The following TLR4 variants were observed in gnomAD, a reference collection of about 807,000 sequenced individuals.
TLR4 encodes the protein toll like receptor 4.
Under a neutral mutation model 27.4 loss-of-function variants are expected in TLR4, and 17 were observed. The observed-to-expected ratio is 0.62, with a 90% CI of 0.42 to 0.93. The LOEUF (loss-of-function observed/expected upper bound fraction) is 0.93. Among genes scored for constraint, TLR4 ranks in the 40% least tolerant of loss-of-function variants. The pLI is 0.00. For missense variants in TLR4, 926 were observed against 962.3 expected (o/e 0.96, Z 0.50); for synonymous variants, 363 against 365.7 (o/e 0.99, Z 0.08).
In TLR4 at chr9:117,714,720, T is replaced by C. The variant is rs55825275; in HGVS notation, c.*72T>C. On this transcript the variant is annotated 3_prime_UTR_variant, in exon 3 of 3. Coordinates refer to ENST00000355622, the MANE Select transcript of TLR4 (RefSeq NM_138554.5). ...CCAACACTTGTTCAGTTAATAAGTA[T>C]TAAATGCTGCCACATGTCAGGCCTT... is the stretch of plus-strand genomic sequence containing the variant. 42 of 1,325,610 alleles carry C rather than the reference T, an allele frequency of 3.2e-5. No homozygotes were observed. In the South Asian group the frequency reaches 5.0e-4, roughly 16 times the overall value. 82.1% of individuals were successfully genotyped at this position (1,325,610 alleles called of 1,614,324 possible). A position where few individuals can be genotyped will look rare whatever the true frequency, so the allele number is the denominator to read the frequency against.
In TLR4 at chr9:117,704,613, A is replaced by C. The variant is rs760656551; in HGVS notation, c.93+48A>C. On this transcript the variant is annotated intron_variant, in intron 1 of 2. Coordinates refer to ENST00000355622, the MANE Select transcript of TLR4 (RefSeq NM_138554.5). ...TCTGAACTTTCCCTCACTTCTGCCC[A>C]GAACTTCTCACTGTGTGCCCTGGTT... The C allele has an allele frequency of 1.3e-6, 2 of 1,518,774 alleles. 1 individual carries two copies. Among genetic ancestry groups the C allele is most frequent in the South Asian group, 2.2e-5 (2 of 89,002 alleles). The allele number at this position is 1,518,774 out of a possible 1,614,324, so 94.1% of individuals were successfully genotyped here.
At position 117,712,537 on chromosome 9, in the gene TLR4, A is replaced by G. The variant is rs774024297; in HGVS notation, c.409A>G (p.Asn137Asp). ...ACAGAAGCTGGTGGCTGTGGAGACA[A>G]ATCTAGCATCTCTAGAGAACTTCCC... The part of the protein sequence containing the change: ...SLQKLVAVET[N>D]LASLENFPIG... The change falls in exon 3 of 3, where the codon AAT (asparagine) becomes GAT (aspartate). Residue 137 changes from asparagine to aspartate, a missense_variant. Asn to Asp is a conservative substitution (Grantham distance 23). Coordinates refer to ENST00000355622, the MANE Select transcript of TLR4 (RefSeq NM_138554.5). 2.5e-6 allele frequency: 4 copies of G among 1,613,972 alleles called. No individual in the cohort carries two copies. Among genetic ancestry groups the G allele is most frequent in the Non-Finnish European group, 3.4e-6 (4 of 1,179,954 alleles).
At chr9:117,707,100 G>A (rs566028684) in intron 1 of TLR4, among the ~76,000 whole-genome samples, 4 of 152,262 alleles carry the variant, frequency 2.6e-5, no homozygotes, top group East Asian at 1.9e-4. Flanking sequence ...TGAACAATAC[G>A]ATGAGAACAA....
At chr9:117,704,689 G>A in intron 1 of TLR4, 124 bp downstream of exon 1, 4 of 834,604 alleles carry the variant, frequency 4.8e-6, no homozygotes, top group Non-Finnish European at 3.9e-6. Context: ...AAAGACTCAA[G>A]AAGCCACAGA....
chr9:117,724,219 T>C lies in TLR4; in HGVS notation c.*9571T>C, dbSNP rs909079842. 4 of 152,482 alleles carry C rather than the reference T, an allele frequency of 2.6e-5. No homozygotes were observed. The highest frequency in any genetic ancestry group is 9.6e-5 in the African/African-American group (4 of 41,576). The allele number at this position is 152,482 out of a possible 1,614,324, so 9.4% of individuals were successfully genotyped here. A position where few individuals can be genotyped will look rare whatever the true frequency, so the allele number is the denominator to read the frequency against. ...AGCTGTGGCATCTGTCTCTAAATCA[T>C]GCTTCCTCCTTGCCTGCTGCAGGCC... On this transcript the variant is annotated 3_prime_UTR_variant, in exon 3 of 3. Transcript: ENST00000355622.
chr9:117,711,431 C>T (rs201503396), intron 2 of TLR4, among the ~76,000 whole-genome samples: 2 of 152,200 alleles, frequency 1.3e-5, no homozygotes, highest in Non-Finnish European at 2.9e-5. Flanking sequence ...GGACATGTCT[C>T]TGAACATTGT....
In TLR4 at chr9:117,719,277, G is replaced by A. The variant is rs995006929; in HGVS notation, c.*4629G>A. ...TCACATCAATGAATTAGAAAGATAC[G>A]AAAGTATTTCCAATTTACAAATGAG... On this transcript the variant is annotated 3_prime_UTR_variant, in exon 3 of 3. Transcript: ENST00000355622. 2 of 152,100 alleles carry A rather than the reference G, an allele frequency of 1.3e-5. No homozygotes were observed. Among genetic ancestry groups the A allele is most frequent in the Non-Finnish European group, 2.9e-5 (2 of 68,020 alleles). The allele number at this position is 152,100 out of a possible 1,614,324, so 9.4% of individuals were successfully genotyped here.
chr9:117,711,852 T>C (rs533218100), intron 2 of TLR4, among the ~76,000 whole-genome samples: 2 of 152,332 alleles, frequency 1.3e-5, no homozygotes, highest in Admixed American at 1.3e-4. Context: ...ACAAGAACTT[T>C]CAAATATCTA....
intron 2 of TLR4, among the ~76,000 whole-genome samples, chr9:117,711,154 T>A (rs1829224272): frequency 6.6e-6 from 1 of 152,148 alleles, no homozygotes; most frequent in Non-Finnish European, 1.5e-5. Context: ...CCAAGCTCTT[T>A]TGTCCACTCT....
rs199807581 is a variant in TLR4, at chr9:117,713,625, C to A, written c.1497C>A (p.Thr499=). Residue 499 remains threonine (T), a synonymous_variant, in exon 3 of 3, where the codon ACC becomes ACA. Transcript: ENST00000355622. ...PDIFTELRNL[T]FLDLSQCQLE... Reference sequence around the variant, plus strand: ...TCTTCACAGAGCTGAGAAACTTGACCTTCCTGGACCTCTCTCAGTGTCAAC... The same window carrying A: ...TCTTCACAGAGCTGAGAAACTTGACATTCCTGGACCTCTCTCAGTGTCAAC... 25 of 1,614,054 alleles carry A rather than the reference C, an allele frequency of 1.5e-5. No individual in the cohort carries two copies. The highest frequency in any genetic ancestry group is 2.7e-5 in the African/African-American group (2 of 75,018).
intron 1 of TLR4, among the ~76,000 whole-genome samples, chr9:117,704,962 C>G (rs1588091308): frequency 6.6e-6 from 1 of 152,180 alleles, no homozygotes; most frequent in South Asian, 2.1e-4. Context: ...TCTTTACACT[C>G]AGCTTCAAGC....
At position 117,722,538 on chromosome 9, in the gene TLR4, A is replaced by T. The variant is rs1829434443; in HGVS notation, c.*7890A>T. On this transcript the variant is annotated 3_prime_UTR_variant, in exon 3 of 3. Coordinates refer to ENST00000355622, the MANE Select transcript of TLR4 (RefSeq NM_138554.5). ...GCTGAGTTATTAATAGGGCCTTCTG[A>T]GTCCTCTCTACACATCATCTTTGGC... is the stretch of plus-strand genomic sequence containing the variant. 1 of 152,202 alleles carries T rather than the reference A, an allele frequency of 6.6e-6. No individual in the cohort carries two copies. The highest frequency in any genetic ancestry group is 2.4e-5 in the African/African-American group (1 of 41,436). The allele number at this position is 152,202 out of a possible 1,614,324, so 9.4% of individuals were successfully genotyped here. A position where few individuals can be genotyped will look rare whatever the true frequency, so the allele number is the denominator to read the frequency against.
At chr9:117,708,049 C>A in intron 1 of TLR4, 1 of 283,276 alleles carries the variant, frequency 3.5e-6, no homozygotes, top group Non-Finnish European at 5.4e-6. Flanking sequence ...AGGGGCCATG[C>A]TCATCTTCTC....
At chr9:117,710,534 A>G (rs1291027665) in intron 2 of TLR4, among the ~76,000 whole-genome samples, 1 of 151,910 alleles carries the variant, frequency 6.6e-6, no homozygotes, top group African/African-American at 2.4e-5. Flanking sequence ...TGGATACCCA[A>G]TAAACTTGCC....
rs1171488219 is a variant in TLR4 at position 117,714,075 on chromosome 9, T to A, written c.1947T>A (p.Val649=). The change falls in exon 3 of 3, where the codon GTT becomes GTA. Residue 649 remains valine, a synonymous_variant. Transcript: ENST00000355622. ...TGCTTGTAGTATCTGTTGTAGCAGT[T>A]CTGGTCTATAAGTTCTATTTTCACC... ...LSVLVVSVVA[V]LVYKFYFHLM... The A allele has an allele frequency of 6.2e-7, 1 of 1,614,060 alleles. No homozygotes were observed. Among genetic ancestry groups the A allele is most frequent in the South Asian group, 1.1e-5 (1 of 91,086 alleles).
In TLR4 at chr9:117,713,980, A is replaced by G. The variant is rs1273922120; in HGVS notation, c.1852A>G (p.Met618Val). 13 of 1,613,906 alleles carry G rather than the reference A, an allele frequency of 8.1e-6. No individual in the cohort carries two copies. Among genetic ancestry groups the G allele is most frequent in the South Asian group, 2.2e-5 (2 of 91,090 alleles). Residue 618 changes from methionine to valine, a missense_variant, in exon 3 of 3, where the codon ATG (methionine) becomes GTG (valine). By Grantham distance (21) the Met-to-Val change is conservative (BLOSUM62 1). Coordinates refer to ENST00000355622, the MANE Select transcript of TLR4 (RefSeq NM_138554.5). ...ECATPSDKQG[M>V]PVLSLNITCQ... ...TGCAACACCTTCAGATAAGCAGGGCATGCCTGTGCTGAGTTTGAATATCAC... is the reference window on the plus strand; with the variant it reads ...TGCAACACCTTCAGATAAGCAGGGCGTGCCTGTGCTGAGTTTGAATATCAC...
In TLR4 at chr9:117,712,371, G is replaced by A. The variant is rs1196230123; in HGVS notation, c.261-18G>A. On this transcript the variant is annotated intron_variant, in intron 2 of 2. Coordinates refer to ENST00000355622, the MANE Select transcript of TLR4 (RefSeq NM_138554.5). ...TCAGCAGAAATATTAGATAATCAAT[G>A]TCTTTTTATTCCTGTAGGTGTGAAA... is the stretch of plus-strand genomic sequence containing the variant. 2 of 1,605,248 alleles carry A rather than the reference G, an allele frequency of 1.2e-6. No homozygotes were observed. The highest frequency in any genetic ancestry group is 2.2e-5 in the South Asian group (2 of 90,826).
chr9:117,706,277 C>A lies in TLR4; in HGVS notation c.93+1712C>A, dbSNP rs1829134171. Among the ~76,000 whole-genome samples the A allele has an allele frequency of 2.6e-5, 4 of 152,268 alleles. No individual in the cohort carries two copies. The Middle Eastern group carries it at 0.014, about 518-fold the overall frequency. ...AATGTCCCCTCCTCAGGGCAGTCTT[C>A]CTTGATTGCCCCATGTAGAGCTCTC... is the stretch of plus-strand genomic sequence containing the variant. On this transcript the variant is annotated intron_variant, in intron 1 of 2. Transcript: ENST00000355622.
chr9:117,722,048 C>T lies in TLR4; in HGVS notation c.*7400C>T, dbSNP rs1829428581. Reference sequence around the variant, plus strand: ...TTGTCATTTTCCCTTCTTTATCATCCTGGGTAGCTGAGACCCCACATAAAT... The same window carrying T: ...TTGTCATTTTCCCTTCTTTATCATCTTGGGTAGCTGAGACCCCACATAAAT... On this transcript the variant is annotated 3_prime_UTR_variant, in exon 3 of 3. Coordinates refer to ENST00000355622, the MANE Select transcript of TLR4 (RefSeq NM_138554.5). 1 of 152,114 alleles carries T rather than the reference C, an allele frequency of 6.6e-6. No homozygotes were observed. The highest frequency in any genetic ancestry group is 1.5e-5 in the Non-Finnish European group (1 of 68,038). The allele number at this position is 152,114 out of a possible 1,614,324, so 9.4% of individuals were successfully genotyped here. A position where few individuals can be genotyped will look rare whatever the true frequency, so the allele number is the denominator to read the frequency against.
Sources: allele counts gnomAD v4.1 joint callset (sites outside exome capture counted in the v4.1 genomes callset), GRCh38; gene constraint gnomAD v4.1.1; transcripts MANE v1.5; gene names NCBI Gene and HGNC (gene_info 2026-07-23, HGNC 2026-07-21).